OVOL2: variants seen among roughly 807,000 people sequenced by gnomAD.
The protein encoded by OVOL2 is ovo like zinc finger 2, also known as transcription factor Ovo-like 2.
Under a neutral mutation model 18.1 loss-of-function variants are expected in OVOL2, and 13 were observed. That is an observed-to-expected ratio of 0.72 (90% CI 0.47 to 1.14). The LOEUF is 1.14. Ranked by LOEUF, OVOL2 falls within the 50% of genes most tolerant of loss-of-function variation. OVOL2 has a pLI of 0.00. For synonymous variants in OVOL2, 166 were observed against 162.7 expected (o/e 1.02, Z -0.16); for missense variants, 335 against 383.0 (o/e 0.87, Z 1.05).
Position 18,025,384 on chromosome 20 carries a change from A to G in OVOL2, c.512-432T>C, listed in dbSNP as rs57916914. On this transcript the variant is annotated intron_variant, in intron 3 of 3. Transcript: ENST00000278780. ...GGAGTTCGAGACCAGCCTGGCCAAC[A>G]TGGTGAAACCCCGTCTCTACTGAAA... is the stretch of plus-strand genomic sequence containing the variant. Among the ~76,000 whole-genome samples the G allele has an allele frequency of 3.2e-3, 480 of 152,246 alleles. 4 individuals carry two copies. Among genetic ancestry groups the G allele is most frequent in the African/African-American group, 0.011 (461 of 41,538 alleles).
chr20:18,029,789 C>T (rs1434077188), intron 3 of OVOL2, among the ~76,000 whole-genome samples: 3 of 151,924 alleles, frequency 2.0e-5, no homozygotes, highest in Non-Finnish European at 2.9e-5. Flanking sequence ...ACTAGCCTGG[C>T]GAACATGGGG....
intron 2 of OVOL2, among the ~76,000 whole-genome samples, chr20:18,044,959 T>C (rs1464102235): frequency 6.6e-6 from 1 of 151,982 alleles, no homozygotes; most frequent in East Asian, 1.9e-4. Flanking sequence ...GAGTCTACCT[T>C]GAGGGCCCTA....
chr20:18,048,880 A>C (rs2036747211), intron 2 of OVOL2, among the ~76,000 whole-genome samples: 1 of 152,166 alleles, frequency 6.6e-6, no homozygotes, highest in South Asian at 2.1e-4. Context: ...TAATATATTT[A>C]ATTATAAGGT....
At chr20:18,052,800 C>T (rs2036782181) in intron 2 of OVOL2, among the ~76,000 whole-genome samples, 1 of 152,216 alleles carries the variant, frequency 6.6e-6, no homozygotes, top group Admixed American at 6.5e-5. Flanking sequence ...CATACTTGGA[C>T]CTGGGTCCTA....
chr20:18,054,759 T>G (rs920957359), intron 2 of OVOL2, among the ~76,000 whole-genome samples: 1 of 84,830 alleles, frequency 1.2e-5, no homozygotes, highest in Non-Finnish European at 2.1e-5. Flanking sequence ...ACAGCGAAAC[T>G]CCATCTCAAA....
Position 18,056,793 on chromosome 20 carries a change from GCGCTGCTGCTGCCGCTGC to G in OVOL2, c.167_184del (p.Gly56_Ser61del), listed in dbSNP as rs767318236. On this transcript the variant is annotated inframe_deletion, in exon 2 of 4. Coordinates refer to ENST00000278780, the MANE Select transcript of OVOL2 (RefSeq NM_021220.4). The surrounding 1 kb of genome is among the most constrained non-coding windows in gnomAD (Gnocchi z 4.2). ...GCTCTCTGCTCCTCCAGGCTCCCCC[GCGCTGCTGCTGCCGCTGC>G]CGCTGCTGCTGCCGCCGTCGCTGCG... 12 of 1,497,944 alleles carry G rather than the reference GCGCTGCTGCTGCCGCTGC, an allele frequency of 8.0e-6. No individual in the cohort carries two copies. Among genetic ancestry groups the G allele is most frequent in the Non-Finnish European group, 3.5e-6 (4 of 1,131,062 alleles). The allele number at this position is 1,497,944 out of a possible 1,614,324, so 92.8% of individuals were successfully genotyped here. A position where few individuals can be genotyped will look rare whatever the true frequency, so the allele number is the denominator to read the frequency against.
intron 3 of OVOL2, among the ~76,000 whole-genome samples, chr20:18,033,463 GCTGGGAGCCCCACGGATGTGTGTGCC>G (rs1238059445): frequency 2.0e-5 from 3 of 152,218 alleles, no homozygotes; most frequent in Admixed American, 1.3e-4. Context: ...CAAAGCCTTA[GCTGGGAGCCCCACGGATGTGTGTGCC>G]CTTCTCACCT....
At position 18,056,406 on chromosome 20, in the gene OVOL2, G is replaced by A. The variant is rs6045168; in HGVS notation, c.321+251C>T. Among the ~76,000 whole-genome samples, 1,120 of 152,276 alleles carry A rather than the reference G, an allele frequency of 7.4e-3. 12 individuals are homozygous for A. Among genetic ancestry groups the A allele is most frequent in the African/African-American group, 0.025 (1,052 of 41,582 alleles). On this transcript the variant is annotated intron_variant, in intron 2 of 3. Coordinates refer to ENST00000278780, the MANE Select transcript of OVOL2 (RefSeq NM_021220.4). The surrounding 1 kb of genome is among the most constrained non-coding windows in gnomAD (Gnocchi z 4.2). Reference sequence around the variant, plus strand: ...CCAGAGGCAGCACTCGGCATCAGGCGGGGCCACCGGGAGGACGGAGCCCAC... The same window carrying A: ...CCAGAGGCAGCACTCGGCATCAGGCAGGGCCACCGGGAGGACGGAGCCCAC...
intron 2 of OVOL2, among the ~76,000 whole-genome samples, chr20:18,050,191 C>T (rs1003405961): frequency 1.3e-5 from 2 of 152,214 alleles, no homozygotes; most frequent in Admixed American, 1.3e-4. Context: ...GTGAAAACTA[C>T]GCTTCCCTGA....
At chr20:18,039,625 AAG>A (rs1400093295) in intron 3 of OVOL2, among the ~76,000 whole-genome samples, 1 of 149,388 alleles carries the variant, frequency 6.7e-6, no homozygotes, top group Non-Finnish European at 1.5e-5. Flanking sequence ...AAAAAAAAGA[AAG>A]AAAGAAAGAA....
intron 2 of OVOL2, among the ~76,000 whole-genome samples, chr20:18,053,611 G>A (rs2036788742): frequency 6.6e-6 from 1 of 151,090 alleles, no homozygotes; most frequent in Non-Finnish European, 1.5e-5. Flanking sequence ...TGAGGCAGGA[G>A]AATCACTTGA....
rs903245554 is a variant in OVOL2 at position 18,056,068 on chromosome 20, A to AT, written c.321+588dup. Among the ~76,000 whole-genome samples the AT allele has an allele frequency of 6.6e-6, 1 of 152,192 alleles. No homozygotes were observed. Among genetic ancestry groups the AT allele is most frequent in the African/African-American group, 2.4e-5 (1 of 41,444 alleles). Reference sequence around the variant, plus strand: ...TTGAACCCTTTTACCCATCAATTTAATTCAAGATTGGAAAGATGACAGATC... The same window carrying AT: ...TTGAACCCTTTTACCCATCAATTTAATTTCAAGATTGGAAAGATGACAGATC... On this transcript the variant is annotated intron_variant, in intron 2 of 3. Transcript: ENST00000278780. This position sits in a 1 kb window ranked among gnomAD's most constrained non-coding sequence, Gnocchi z 4.2.
intron 2 of OVOL2, among the ~76,000 whole-genome samples, chr20:18,044,907 T>C (rs896830836): frequency 6.6e-6 from 1 of 152,084 alleles, no homozygotes; most frequent in Non-Finnish European, 1.5e-5. Context: ...GAGCAGTTAA[T>C]GAAGAGAGCA....
At chr20:18,032,759 G>A (rs534975297) in intron 3 of OVOL2, among the ~76,000 whole-genome samples, 2 of 152,146 alleles carry the variant, frequency 1.3e-5, no homozygotes, top group Admixed American at 6.5e-5. Context: ...AGCCCGCCTC[G>A]GCCTCCCAAA....
Position 18,024,802 on chromosome 20 carries a change from T to C in OVOL2, c.662A>G (p.Tyr221Cys). The change falls in exon 4 of 4, where the codon TAC becomes TGC. Residue 221 changes from tyrosine (Y) to cysteine (C), a missense_variant. Tyr to Cys is a radical substitution (Grantham distance 194, BLOSUM62 -2). Coordinates refer to ENST00000278780, the MANE Select transcript of OVOL2 (RefSeq NM_021220.4). ...DKLYVCEDCG[Y>C]TGPTQEDLYL... Reference sequence around the variant, plus strand: ...CAGGTCCTCCTGGGTGGGGCCCGTGTAGCCGCAATCCTCGCAGACGTAGAG... The same window carrying C: ...CAGGTCCTCCTGGGTGGGGCCCGTGCAGCCGCAATCCTCGCAGACGTAGAG... 2 of 1,614,216 alleles carry C rather than the reference T, an allele frequency of 1.2e-6. No homozygotes were observed. The highest frequency in any genetic ancestry group is 1.7e-6 in the Non-Finnish European group (2 of 1,180,046).
chr20:18,041,278 C>T (rs1482560928), intron 3 of OVOL2, among the ~76,000 whole-genome samples: 1 of 151,754 alleles, frequency 6.6e-6, no homozygotes, highest in Non-Finnish European at 1.5e-5. Context: ...ATTCTCCTGC[C>T]TCAGCCTCCC....
At position 18,024,957 on chromosome 20, in the gene OVOL2, A is replaced by G. The variant is rs1214669316; in HGVS notation, c.512-5T>C. 9 of 1,605,336 alleles carry G rather than the reference A, an allele frequency of 5.6e-6. No homozygotes were observed. The East Asian group carries it at 2.0e-4, about 36-fold the overall frequency. On this transcript the variant is annotated splice_region_variant and splice_polypyrimidine_tract_variant and intron_variant, in intron 3 of 3. Transcript: ENST00000278780. ...TGCATTTGTAGGGACGAATGCCTGAAAGGATGAGGGACAGACACAGCATCG... is the reference window on the plus strand; with the variant it reads ...TGCATTTGTAGGGACGAATGCCTGAGAGGATGAGGGACAGACACAGCATCG...
intron 2 of OVOL2, among the ~76,000 whole-genome samples, chr20:18,051,164 C>T (rs1367653758): frequency 6.6e-6 from 1 of 151,870 alleles, no homozygotes; most frequent in Non-Finnish European, 1.5e-5. Context: ...TCGTTTCAGC[C>T]CAGGAGTTTG....
intron 2 of OVOL2, among the ~76,000 whole-genome samples, chr20:18,049,194 A>G (rs1431116800): frequency 2.0e-5 from 3 of 152,208 alleles, no homozygotes; most frequent in African/African-American, 7.2e-5. Flanking sequence ...CTTCTTCTAG[A>G]AAACAGGACT....
Sources: gnomAD v4.1 joint callset for allele counts (sites outside exome capture counted in the v4.1 genomes callset) on GRCh38, gnomAD v4.1.1 for gene constraint, Gnocchi (gnomAD v3.1) non-coding constraint, MANE v1.5 for transcripts, NCBI Gene and HGNC (gene_info 2026-07-23, HGNC 2026-07-21) for gene names.